GOLPH3: variants seen among roughly 807,000 people sequenced by gnomAD.
GOLPH3 encodes the protein coat protein GPP34.
In GOLPH3, 14 loss-of-function variants were observed where a neutral mutation model predicts 28.5. The ratio of observed to expected loss-of-function variants is 0.49; its 90% CI spans 0.32 to 0.77. The LOEUF (loss-of-function observed/expected upper bound fraction) is 0.77, where lower values mean the gene tolerates loss of function less well. Among genes scored for constraint, GOLPH3 ranks in the 30% least tolerant of loss-of-function variants. The pLI, the probability that GOLPH3 is intolerant of heterozygous loss-of-function variation, is 0.03. For synonymous variants in GOLPH3, 158 were observed against 159.2 expected, an observed-to-expected ratio of 0.99 and a Z score of 0.06; for missense variants, 350 against 393.7, an observed-to-expected ratio of 0.89 and a Z score of 0.94.
At chr5:32,164,490 T>G (rs577637194) in intron 1 of GOLPH3, among the ~76,000 whole-genome samples, 64 of 150,948 alleles carry the variant, frequency 4.2e-4, no homozygotes, top group African/African-American at 1.4e-3. Flanking sequence ...GCCTCCCGGG[T>G]TCACGCCATT....
In GOLPH3 at chr5:32,160,935, C is replaced by T. The variant is rs547716144; in HGVS notation, c.225+12875G>A. Among the ~76,000 whole-genome samples, 19 of 151,952 alleles carry T rather than the reference C, an allele frequency of 1.3e-4. No individual in the cohort carries two copies. The South Asian group carries it at 3.3e-3, about 27-fold the overall frequency. On this transcript the variant is annotated intron_variant, in intron 1 of 3. Transcript: ENST00000265070. ...ACAAAAAATTAGCCAGGCGTGGTGG[C>T]GGGTGCCTGTAGTCCCAGCTACTCG...
At chr5:32,148,712 A>C (rs1349103316) in intron 1 of GOLPH3, among the ~76,000 whole-genome samples, 3 of 152,188 alleles carry the variant, frequency 2.0e-5, no homozygotes, top group Non-Finnish European at 4.4e-5. Context: ...CAGGAGAATA[A>C]CGTGACCCCA....
At chr5:32,155,332 G>A (rs1356120178) in intron 1 of GOLPH3, among the ~76,000 whole-genome samples, 1 of 152,036 alleles carries the variant, frequency 6.6e-6, no homozygotes, top group Non-Finnish European at 1.5e-5. Context: ...ACTATAAGCA[G>A]GCACCAGCAC....
chr5:32,169,549 A>G (rs974878588), intron 1 of GOLPH3, among the ~76,000 whole-genome samples: 4 of 152,224 alleles, frequency 2.6e-5, no homozygotes, highest in Non-Finnish European at 5.9e-5. Flanking sequence ...CACTGAAAAT[A>G]ATTAAATCTA....
chr5:32,141,493 GC>G (rs1554048265), intron 2 of GOLPH3, among the ~76,000 whole-genome samples: 1 of 152,170 alleles, frequency 6.6e-6, no homozygotes, highest in Non-Finnish European at 1.5e-5. Context: ...AAGATCAATA[GC>G]CTATGCGTAA....
At chr5:32,156,518 CTGT>C (rs1351206822) in intron 1 of GOLPH3, among the ~76,000 whole-genome samples, 13 of 150,294 alleles carry the variant, frequency 8.6e-5, no homozygotes, top group Non-Finnish European at 1.8e-4. Context: ...AAAAAAAAAT[CTGT>C]TGTTTATAAG....
intron 2 of GOLPH3, among the ~76,000 whole-genome samples, chr5:32,143,198 G>A (rs1020232184): frequency 2.0e-5 from 3 of 152,262 alleles, no homozygotes; most frequent in Middle Eastern, 3.4e-3. Flanking sequence ...ACTCAGGGTT[G>A]AATGGATTAA....
intron 1 of GOLPH3, among the ~76,000 whole-genome samples, chr5:32,153,291 A>C (rs1746350966): frequency 6.6e-6 from 1 of 152,208 alleles, no homozygotes; most frequent in South Asian, 2.1e-4. Flanking sequence ...TTTGCTAACA[A>C]AATATCAGAA....
At chr5:32,151,914 T>C (rs1746316026) in intron 1 of GOLPH3, among the ~76,000 whole-genome samples, 1 of 152,166 alleles carries the variant, frequency 6.6e-6, no homozygotes, top group African/African-American at 2.4e-5. Context: ...GTACCTAGAA[T>C]AGTCAAATTC....
intron 1 of GOLPH3, among the ~76,000 whole-genome samples, chr5:32,144,545 C>G (rs1448583349): frequency 2.0e-5 from 3 of 152,222 alleles, no homozygotes; most frequent in African/African-American, 7.2e-5. Context: ...GCAATAATTA[C>G]ACCAACACAC....
At chr5:32,162,571 C>G (rs934962334) in intron 1 of GOLPH3, among the ~76,000 whole-genome samples, 2 of 151,930 alleles carry the variant, frequency 1.3e-5, no homozygotes, top group Non-Finnish European at 2.9e-5. Context: ...TTCAGTAAGC[C>G]CAGCATATAA....
chr5:32,160,245 T>A (rs1035363596), intron 1 of GOLPH3, among the ~76,000 whole-genome samples: 3 of 152,302 alleles, frequency 2.0e-5, no homozygotes, highest in South Asian at 4.1e-4. Flanking sequence ...TTAATATACA[T>A]TTTTATTATT....
intron 1 of GOLPH3, among the ~76,000 whole-genome samples, chr5:32,148,641 T>C (rs1429939030): frequency 2.0e-5 from 3 of 151,888 alleles, no homozygotes; most frequent in East Asian, 1.9e-4. Flanking sequence ...ACTAAAAATA[T>C]AAAAAATTAG....
At position 32,167,730 on chromosome 5, in the gene GOLPH3, T is replaced by C. The variant is rs112114069; in HGVS notation, c.225+6080A>G. Among the ~76,000 whole-genome samples the C allele has an allele frequency of 7.9e-3, 1,210 of 152,218 alleles. 19 individuals are homozygous for C. The highest frequency in any genetic ancestry group is 0.028 in the African/African-American group (1,158 of 41,526). ...CTTTGGGAGGCCAAGGCGGGAAGAT[T>C]GCTTGAGGCCAGGAGTTCGAGACTA... On this transcript the variant is annotated intron_variant, in intron 1 of 3. Coordinates refer to ENST00000265070, the MANE Select transcript of GOLPH3 (RefSeq NM_022130.4).
At chr5:32,153,113 A>G (rs898064934) in intron 1 of GOLPH3, among the ~76,000 whole-genome samples, 1 of 152,236 alleles carries the variant, frequency 6.6e-6, no homozygotes, top group African/African-American at 2.4e-5. Flanking sequence ...ATACAAAGAT[A>G]TATCTACCAC....
In GOLPH3 at chr5:32,174,319, T is replaced by G; in HGVS notation, c.-285A>C. On this transcript the variant is annotated 5_prime_UTR_variant, in exon 1 of 4. Coordinates refer to ENST00000265070, the MANE Select transcript of GOLPH3 (RefSeq NM_022130.4). ...AGGCGGCGGCGGCGCCTTTCCAATA[T>G]GGCGGCCCCGGCTGACGTCACCGGA... 4.4e-5 allele frequency: 12 copies of G among 275,802 alleles called. No individual in the cohort carries two copies. Among genetic ancestry groups the G allele is most frequent in the Non-Finnish European group, 6.7e-5 (10 of 148,750 alleles). 17.1% of individuals were successfully genotyped at this position (275,802 alleles called of 1,614,324 possible).
intron 2 of GOLPH3, among the ~76,000 whole-genome samples, chr5:32,142,216 C>T (rs1474140243): frequency 1.3e-5 from 2 of 151,140 alleles, no homozygotes; most frequent in African/African-American, 4.9e-5. Context: ...TCTGCCCGGC[C>T]GCCCATCGTC....
intron 2 of GOLPH3, among the ~76,000 whole-genome samples, chr5:32,138,394 T>G (rs1431565230): frequency 6.6e-6 from 1 of 152,122 alleles, no homozygotes; most frequent in Non-Finnish European, 1.5e-5. Flanking sequence ...TTTTATTTTA[T>G]TATTATTATA....
At chr5:32,142,709 G>GCC (rs1318132448) in intron 2 of GOLPH3, among the ~76,000 whole-genome samples, 17 of 142,334 alleles carry the variant, frequency 1.2e-4, no homozygotes, top group Admixed American at 4.8e-4. Flanking sequence ...GGGGGGATCA[G>GCC]CCCCCCGCCT....
Sources: gnomAD v4.1 joint callset for allele counts (sites outside exome capture counted in the v4.1 genomes callset) on GRCh38, gnomAD v4.1.1 for gene constraint, MANE v1.5 for transcripts, NCBI Gene and HGNC (gene_info 2026-07-23, HGNC 2026-07-21) for gene names.